SATB2: variants seen among roughly 807,000 people sequenced by gnomAD.
SATB2 encodes SATB homeobox 2.
A neutral mutation model predicts 73.4 loss-of-function variants in SATB2; 1 was observed. The observed-to-expected ratio is 0.01, with a 90% CI of 0.00 to 0.06. SATB2 has a LOEUF of 0.06. Among genes scored for constraint, SATB2 ranks in the 10% least tolerant of loss-of-function variants. SATB2 has a pLI of 1.00. For synonymous variants in SATB2, 397 were observed against 367.0 expected (o/e 1.08, Z -0.93); for missense variants, 459 against 945.8 (o/e 0.49, Z 6.75).
chr2:199,437,630 A>G (rs1311438958), intron 2 of SATB2, among the ~76,000 whole-genome samples: 1 of 152,158 alleles, frequency 6.6e-6, no homozygotes, highest in Non-Finnish European at 1.5e-5. Flanking sequence ...TACCTCTCTG[A>G]AGCTCCAATT....
intron 6 of SATB2, among the ~76,000 whole-genome samples, chr2:199,358,747 C>T (rs1420301959): frequency 2.0e-5 from 3 of 152,244 alleles, no homozygotes; most frequent in African/African-American, 7.2e-5. Context: ...TCCACAGAAA[C>T]ATATATCCAC....
At chr2:199,349,263 G>C in intron 6 of SATB2, 90 bp from the exon 7 acceptor site, 1 of 1,036,576 alleles carries the variant, frequency 9.6e-7, no homozygotes, top group Non-Finnish European at 1.5e-6. Flanking sequence ...CATACTTTTG[G>C]CATGTTAATA....
intron 10 of SATB2, among the ~76,000 whole-genome samples, chr2:199,287,570 A>T (rs181089918): frequency 6.3e-4 from 95 of 151,678 alleles, no homozygotes; most frequent in Admixed American, 1.1e-3. Flanking sequence ...AACAAGGATA[A>T]TATGGAGGGG....
intron 7 of SATB2, among the ~76,000 whole-genome samples, chr2:199,331,121 C>T (rs994232927): frequency 2.0e-5 from 3 of 151,872 alleles, no homozygotes; most frequent in African/African-American, 7.2e-5. Context: ...CATAACAAAA[C>T]TATTGTTCTA....
At chr2:199,355,499 T>C (rs1688955984) in intron 6 of SATB2, among the ~76,000 whole-genome samples, 1 of 151,898 alleles carries the variant, frequency 6.6e-6, no homozygotes, top group East Asian at 1.9e-4. Context: ...CAAAGTATAG[T>C]TTCTGAAGGT....
At position 199,464,442 on chromosome 2, in the gene SATB2, C is replaced by G. The variant is rs1692552000; in HGVS notation, c.-141+394G>C. Reference sequence around the variant, plus strand: ...TTCCACGCGCGCGCGCGCACACACACACACACACACACAGAGGGACTTGTC... The same window carrying G: ...TTCCACGCGCGCGCGCGCACACACAGACACACACACACAGAGGGACTTGTC... On this transcript the variant is annotated intron_variant, in intron 1 of 11. Coordinates refer to the SATB2 transcript ENST00000260926. This position sits in a 1 kb window ranked among gnomAD's most constrained non-coding sequence, Gnocchi z 6.6. 6.6e-6 allele frequency among the ~76,000 whole-genome samples: 1 copy of G among 152,142 alleles called. No homozygotes were observed. The highest frequency in any genetic ancestry group is 2.4e-5 in the African/African-American group (1 of 41,424).
intron 3 of SATB2, among the ~76,000 whole-genome samples, chr2:199,419,812 G>T (rs1468847974): frequency 6.6e-6 from 1 of 152,072 alleles, no homozygotes; most frequent in Non-Finnish European, 1.5e-5. Flanking sequence ...TTTTCCAGAA[G>T]CATCAAAGTA....
At chr2:199,326,295 C>T (rs933302075) in intron 8 of SATB2, among the ~76,000 whole-genome samples, 8 of 151,976 alleles carry the variant, frequency 5.3e-5, no homozygotes, top group East Asian at 1.9e-4. Flanking sequence ...ATGCCATGAC[C>T]GTATTCTCAA....
Position 199,371,465 on chromosome 2 carries a change from G to A in SATB2, c.598-2758C>T, listed in dbSNP as rs77754533. Among the ~76,000 whole-genome samples the A allele has an allele frequency of 5.3e-3, 804 of 151,702 alleles. 4 individuals carry two copies. The highest frequency in any genetic ancestry group is 0.018 in the African/African-American group (733 of 41,376). On this transcript the variant is annotated intron_variant, in intron 5 of 10. Transcript: ENST00000417098. ...GGGACACCGAGAATCTATATTTACC[G>A]TATTTCAACCACTTTTTATACTTCA...
chr2:199,442,487 T>C (rs552504528), intron 2 of SATB2, among the ~76,000 whole-genome samples: 47 of 152,336 alleles, frequency 3.1e-4, no homozygotes, highest in African/African-American at 9.1e-4. Flanking sequence ...ACCCATGTCC[T>C]GCACTGAAAG....
chr2:199,283,145 G>A (rs865832944), intron 10 of SATB2, among the ~76,000 whole-genome samples: 34 of 149,018 alleles, frequency 2.3e-4, no homozygotes, highest in African/African-American at 7.2e-4. Context: ...GTGCAATGGT[G>A]CGATCTCGGC....
At chr2:199,449,274 T>C (rs1187147570) in intron 2 of SATB2, among the ~76,000 whole-genome samples, 1 of 152,188 alleles carries the variant, frequency 6.6e-6, no homozygotes, top group Non-Finnish European at 1.5e-5. Flanking sequence ...AGTAAAACTT[T>C]TTAATTGAGC....
chr2:199,285,336 A>G (rs1692653300), intron 10 of SATB2, among the ~76,000 whole-genome samples: 1 of 150,768 alleles, frequency 6.6e-6, no homozygotes, highest in Admixed American at 6.6e-5. Flanking sequence ...GTGTAGGAGA[A>G]ATTACACATG....
intron 10 of SATB2, among the ~76,000 whole-genome samples, chr2:199,273,095 G>A (rs1174406362): frequency 6.6e-6 from 1 of 152,020 alleles, no homozygotes; most frequent in Non-Finnish European, 1.5e-5. Flanking sequence ...GAGTAACCCT[G>A]GGCAAATCAC....
At chr2:199,338,542 T>C (rs112451803) in intron 7 of SATB2, among the ~76,000 whole-genome samples, 60 of 152,306 alleles carry the variant, frequency 3.9e-4, no homozygotes, top group African/African-American at 1.4e-3. Context: ...GAGTTTTCTT[T>C]AGTAAAAACA....
intron 7 of SATB2, among the ~76,000 whole-genome samples, chr2:199,342,206 AT>A (rs1688526375): frequency 6.6e-6 from 1 of 152,088 alleles, no homozygotes. Flanking sequence ...CAGAGCTGGG[AT>A]GTTATCTGCC....
chr2:199,319,415 C>T (rs1404597778), intron 9 of SATB2, among the ~76,000 whole-genome samples: 2 of 152,062 alleles, frequency 1.3e-5, no homozygotes, highest in African/African-American at 4.8e-5. Flanking sequence ...CACCCTTTTT[C>T]TTTTATCCCA....
In SATB2 at chr2:199,308,696, T is replaced by C; in HGVS notation, c.1740+64A>G. On this transcript the variant is annotated intron_variant, in intron 10 of 10. Coordinates refer to ENST00000417098, the MANE Select transcript of SATB2 (RefSeq NM_001172509.2). The surrounding 1 kb of genome is among the most constrained non-coding windows in gnomAD (Gnocchi z 4.6). ...GGTGTGGTGTGTGCCACTTGGACCC[T>C]CAGCAGCTACTGCTGGCACACAGAG... 1 of 1,430,868 alleles carries C rather than the reference T, an allele frequency of 7.0e-7. No individual in the cohort carries two copies. The highest frequency in any genetic ancestry group is 1.4e-5 in the African/African-American group (1 of 71,558). 88.6% of individuals were successfully genotyped at this position (1,430,868 alleles called of 1,614,324 possible).
chr2:199,410,397 A>C (rs1305734655), intron 3 of SATB2, among the ~76,000 whole-genome samples: 2 of 152,180 alleles, frequency 1.3e-5, no homozygotes, highest in East Asian at 3.9e-4. Context: ...TTCTTGTCTC[A>C]ATTGGTATTT....
Sources: allele counts gnomAD v4.1 joint callset (sites outside exome capture counted in the v4.1 genomes callset), GRCh38; gene constraint gnomAD v4.1.1; non-coding constraint Gnocchi (gnomAD v3.1); transcripts MANE v1.5; gene names NCBI Gene and HGNC (gene_info 2026-07-23, HGNC 2026-07-21).